SCG3: variants seen among roughly 807,000 people sequenced by gnomAD.
SCG3 encodes the protein secretogranin III, also known as secretogranin-3.
SCG3 carries 38 observed loss-of-function variants against 56.2 expected under a neutral mutation model. That is an observed-to-expected ratio of 0.68 (90% CI 0.52 to 0.89). SCG3 has a LOEUF of 0.89. SCG3 is among the 40% of genes least tolerant of loss of function. The pLI, the probability that SCG3 is intolerant of heterozygous loss-of-function variation, is 0.00. For synonymous variants in SCG3, 176 were observed against 184.2 expected, an observed-to-expected ratio of 0.96 and a Z score of 0.36; for missense variants, 524 against 540.7, an observed-to-expected ratio of 0.97 and a Z score of 0.31.
chr15:51,690,746 C>G (rs2055261880), intron 6 of SCG3, among the ~76,000 whole-genome samples: 1 of 152,090 alleles, frequency 6.6e-6, no homozygotes, highest in Non-Finnish European at 1.5e-5. Context: ...CCATTACATA[C>G]TCCTATTCAC....
intron 10 of SCG3, among the ~76,000 whole-genome samples, chr15:51,704,246 T>TACATAC (rs1268931268): frequency 9.2e-5 from 9 of 97,540 alleles, no homozygotes; most frequent in South Asian, 3.2e-4. Context: ...CATACATACA[T>TACATAC]ATATATATAT....
intron 10 of SCG3, among the ~76,000 whole-genome samples, chr15:51,712,311 A>G (rs1386996451): frequency 6.6e-6 from 1 of 152,142 alleles, no homozygotes; most frequent in African/African-American, 2.4e-5. Context: ...CTCTGCAGCT[A>G]TTGCTTCTGC....
At chr15:51,685,830 C>G (rs541013518) in intron 4 of SCG3, among the ~76,000 whole-genome samples, 60 of 152,270 alleles carry the variant, frequency 3.9e-4, no homozygotes, top group African/African-American at 1.4e-3. Flanking sequence ...CCAAATTTCT[C>G]TTATAAAGTA....
In SCG3 at chr15:51,699,408, A is replaced by G. The variant is rs747884893; in HGVS notation, c.1069+6A>G. 6 of 1,558,802 alleles carry G rather than the reference A, an allele frequency of 3.8e-6. No homozygotes were observed. In the South Asian group the frequency reaches 5.8e-5, roughly 15 times the overall value. On this transcript the variant is annotated splice_donor_region_variant and intron_variant, in intron 9 of 11. Coordinates refer to ENST00000220478, the MANE Select transcript of SCG3 (RefSeq NM_013243.4). ...TATAAGCAAGCTTTTCCCAGGTATG[A>G]TTATTTAACTATTTTTTTAGCCTTT...
At chr15:51,683,455 T>G in intron 4 of SCG3, 21 bp downstream of exon 4, 1 of 1,526,788 alleles carries the variant, frequency 6.5e-7, no homozygotes. Flanking sequence ...AAAAAAGAAC[T>G]TTTTGTTAAC....
At chr15:51,683,581 T>C (rs1191950923) in intron 4 of SCG3, 147 bp downstream of exon 4, 1 of 524,978 alleles carries the variant, frequency 1.9e-6, no homozygotes, top group Non-Finnish European at 3.3e-6. Context: ...TATTTACTGA[T>C]AACATGTAGA....
intron 6 of SCG3, among the ~76,000 whole-genome samples, chr15:51,689,864 C>T (rs1236330256): frequency 6.6e-6 from 1 of 151,978 alleles, no homozygotes; most frequent in Non-Finnish European, 1.5e-5. Flanking sequence ...TAAATGATCT[C>T]TACTCTGAAA....
At chr15:51,701,378 G>C in intron 10 of SCG3, 134 bp downstream of exon 10, 1 of 854,424 alleles carries the variant, frequency 1.2e-6, no homozygotes, top group South Asian at 2.2e-5. Flanking sequence ...AACAGGCTTG[G>C]CATGTGGTAT....
intron 10 of SCG3, among the ~76,000 whole-genome samples, chr15:51,707,104 T>C (rs188191552): frequency 6.6e-6 from 1 of 152,370 alleles, no homozygotes; most frequent in Admixed American, 6.5e-5. Flanking sequence ...ATCTGTTCTG[T>C]GAGTCACTGA....
At chr15:51,696,935 G>A (rs35906088) in intron 8 of SCG3, among the ~76,000 whole-genome samples, 2,324 of 152,118 alleles carry the variant, frequency 0.015, 57 homozygotes, top group Middle Eastern at 0.061. Context: ...TACCAGATAG[G>A]GCAATCCAGA....
intron 8 of SCG3, among the ~76,000 whole-genome samples, chr15:51,698,845 A>G (rs1315513973): frequency 2.6e-5 from 4 of 152,122 alleles, no homozygotes; most frequent in Non-Finnish European, 5.9e-5. Flanking sequence ...ACTGACCTGG[A>G]TAGGTCCTAG....
chr15:51,684,361 G>A (rs887796154), intron 4 of SCG3, among the ~76,000 whole-genome samples: 13 of 152,074 alleles, frequency 8.5e-5, no homozygotes, highest in African/African-American at 2.9e-4. Flanking sequence ...TTCCTTACCC[G>A]AAGTCAGGAG....
chr15:51,692,547 T>TTTAATCTTC (rs2055274555), intron 7 of SCG3, among the ~76,000 whole-genome samples: 1 of 152,158 alleles, frequency 6.6e-6, no homozygotes, highest in Non-Finnish European at 1.5e-5. Context: ...TTCTGGATAA[T>TTTAATCTTC]TTAATCTTCT....
chr15:51,719,427 G>C lies in SCG3; in HGVS notation c.1308G>C (p.Met436Ile). ...TTCCAGATTATGACCTTTCAAAGAT[G>C]AGAGACTTCATCAATAAACAAGCTG... ...GNKEDYDLSK[M>I]RDFINKQADA... The change falls in exon 12 of 12, where the codon ATG (methionine) becomes ATC (isoleucine). Residue 436 changes from methionine (M) to isoleucine (I), a missense_variant. Transcript: ENST00000220478. The C allele has an allele frequency of 6.2e-7, 1 of 1,613,456 alleles. No individual in the cohort carries two copies. The highest frequency in any genetic ancestry group is 8.5e-7 in the Non-Finnish European group (1 of 1,179,536).
chr15:51,691,711 C>T (rs1222844058), intron 6 of SCG3, among the ~76,000 whole-genome samples: 1 of 152,088 alleles, frequency 6.6e-6, no homozygotes, highest in Non-Finnish European at 1.5e-5. Context: ...TAAACTTTAC[C>T]CAAAAATTCC....
Position 51,682,497 on chromosome 15 carries a change from T to C in SCG3, c.83-20T>C. ...CCTTCAACGCACAATTAAATTTATA[T>C]TCACATGTGTTTATTCTAGACAAAT... On this transcript the variant is annotated intron_variant, in intron 1 of 11. Transcript: ENST00000220478. 2.3e-6 allele frequency: 3 copies of C among 1,323,432 alleles called. No individual in the cohort carries two copies. The highest frequency in any genetic ancestry group is 3.1e-6 in the Non-Finnish European group (3 of 959,518). The allele number at this position is 1,323,432 out of a possible 1,614,324, so 82.0% of individuals were successfully genotyped here. A position where few individuals can be genotyped will look rare whatever the true frequency, so the allele number is the denominator to read the frequency against.
chr15:51,707,690 C>T (rs1458976639), intron 10 of SCG3, among the ~76,000 whole-genome samples: 1 of 152,198 alleles, frequency 6.6e-6, no homozygotes, highest in African/African-American at 2.4e-5. Context: ...GACTCTTCAT[C>T]CAGTGCTCTT....
At chr15:51,713,460 G>A in intron 11 of SCG3, 47 bp downstream of exon 11, 1 of 1,266,928 alleles carries the variant, frequency 7.9e-7, no homozygotes, top group Non-Finnish European at 1.1e-6. Context: ...CCATTTGTCA[G>A]GGGCTCTTGT....
chr15:51,717,370 A>C (rs1469907899), intron 11 of SCG3, among the ~76,000 whole-genome samples: 1 of 150,628 alleles, frequency 6.6e-6, no homozygotes, highest in African/African-American at 2.4e-5. Flanking sequence ...TCCGTCTCAA[A>C]AAAAAAAAAA....
Sources: allele counts gnomAD v4.1 joint callset (sites outside exome capture counted in the v4.1 genomes callset), GRCh38; gene constraint gnomAD v4.1.1; transcripts MANE v1.5; gene names NCBI Gene and HGNC (gene_info 2026-07-23, HGNC 2026-07-21).